Variants in CRLF3 observed in about 807,000 individuals in gnomAD.
The protein encoded by CRLF3 is cytokine receptor-like factor 3.
In CRLF3, 33 loss-of-function variants were observed where a neutral mutation model predicts 55.0. The ratio of observed to expected loss-of-function variants is 0.60; its 90% CI spans 0.46 to 0.80. CRLF3 has a LOEUF of 0.80. CRLF3 is among the 30% of genes least tolerant of loss of function. The pLI is 0.00. For synonymous variants in CRLF3, 238 were observed against 196.8 expected (o/e 1.21, Z -1.75); for missense variants, 494 against 538.4 (o/e 0.92, Z 0.82).
At chr17:30,815,274 T>C (rs1415553174) in intron 1 of CRLF3, among the ~76,000 whole-genome samples, 3 of 151,380 alleles carry the variant, frequency 2.0e-5, no homozygotes, top group African/African-American at 7.3e-5. Context: ...TTAGTAGAGA[T>C]GGGGTTTCAG....
At chr17:30,799,038 C>T (rs1971964545) in intron 2 of CRLF3, among the ~76,000 whole-genome samples, 4 of 152,048 alleles carry the variant, frequency 2.6e-5, no homozygotes. Flanking sequence ...CTTTGGGAGG[C>T]CGAGGTGGGC....
At chr17:30,791,579 G>T (rs1479196696) in intron 6 of CRLF3, among the ~76,000 whole-genome samples, 2 of 144,590 alleles carry the variant, frequency 1.4e-5, no homozygotes, top group African/African-American at 5.2e-5. Context: ...GTGCAGTGGC[G>T]TGATCTCGGC....
At chr17:30,819,772 TA>T (rs1816840915) in intron 1 of CRLF3, among the ~76,000 whole-genome samples, 1 of 152,204 alleles carries the variant, frequency 6.6e-6, no homozygotes, top group African/African-American at 2.4e-5. Context: ...AAGTGAAATA[TA>T]AAAATGAATA....
At chr17:30,787,535 CAAAA>C (rs56277494) in intron 6 of CRLF3, 1 of 140,302 alleles carries the variant, frequency 7.1e-6, no homozygotes, top group African/African-American at 2.6e-5. Flanking sequence ...TTTGCAAGGA[CAAAA>C]AAAAAAATTA....
chr17:30,801,682 T>G (rs1034823991), intron 2 of CRLF3, among the ~76,000 whole-genome samples: 1 of 152,018 alleles, frequency 6.6e-6, no homozygotes, highest in Non-Finnish European at 1.5e-5. Context: ...CCTCCCATCT[T>G]GACATCCCAA....
At chr17:30,802,847 A>G (rs911125668) in intron 2 of CRLF3, among the ~76,000 whole-genome samples, 1 of 152,142 alleles carries the variant, frequency 6.6e-6, no homozygotes, top group African/African-American at 2.4e-5. Flanking sequence ...AACACCAATC[A>G]CATTTTTTTA....
intron 2 of CRLF3, among the ~76,000 whole-genome samples, chr17:30,800,691 G>A (rs1414985421): frequency 6.6e-6 from 1 of 150,810 alleles, no homozygotes; most frequent in Admixed American, 6.6e-5. Context: ...CTGGAGTGCA[G>A]TGCTGCAATC....
In CRLF3 at chr17:30,788,277, G is replaced by A. The variant is rs567256823; in HGVS notation, c.960-2246C>T. ...TGAGAGGTGGAGGTTGCAGTGAGCC[G>A]ATTGTGCCATTGCATTCCAGCCTGG... On this transcript the variant is annotated intron_variant, in intron 6 of 7. Transcript: ENST00000324238. 5.3e-5 allele frequency among the ~76,000 whole-genome samples: 8 copies of A among 149,796 alleles called. No individual in the cohort carries two copies. The South Asian group carries it at 1.0e-3, about 20-fold the overall frequency.
chr17:30,782,826 G>A lies in CRLF3; in HGVS notation c.*1361C>T, dbSNP rs1971524221. The stretch of plus-strand genomic sequence containing the variant: ...TAGAAAAGGTCATGATTGTCTAACA[G>A]GGAACATGAATCCCCAAATAAATTA... On this transcript the variant is annotated 3_prime_UTR_variant, in exon 8 of 8. Transcript: ENST00000324238. The A allele has an allele frequency of 6.6e-6, 1 of 151,970 alleles. No individual in the cohort carries two copies. The highest frequency in any genetic ancestry group is 6.6e-5 in the Admixed American group (1 of 15,238). The allele number at this position is 151,970 out of a possible 1,614,324, so 9.4% of individuals were successfully genotyped here. A position where few individuals can be genotyped will look rare whatever the true frequency, so the allele number is the denominator to read the frequency against.
chr17:30,798,326 C>A (rs943096834), intron 2 of CRLF3, among the ~76,000 whole-genome samples: 1 of 151,620 alleles, frequency 6.6e-6, no homozygotes, highest in African/African-American at 2.4e-5. Context: ...TGCAGTGAGC[C>A]GAGATCACGC....
intron 2 of CRLF3, among the ~76,000 whole-genome samples, chr17:30,799,844 C>CA (rs1402230359): frequency 6.6e-6 from 1 of 152,148 alleles, no homozygotes; most frequent in African/African-American, 2.4e-5. Context: ...GATCAGTCCT[C>CA]AGGGTGATGA....
Position 30,783,610 on chromosome 17 carries a change from T to TC in CRLF3, c.*576dup, listed in dbSNP as rs907774668. On this transcript the variant is annotated 3_prime_UTR_variant, in exon 8 of 8. Coordinates refer to ENST00000324238, the MANE Select transcript of CRLF3 (RefSeq NM_015986.4). ...CCAGCCTGAGTGACAAGAGTGAGACTCCGTCTCAACAAAAAAAGAAAAAGT... is the reference window on the plus strand; with the variant it reads ...CCAGCCTGAGTGACAAGAGTGAGACTCCCGTCTCAACAAAAAAAGAAAAAGT... 2 of 152,260 alleles carry TC rather than the reference T, an allele frequency of 1.3e-5. No individual in the cohort carries two copies. The highest frequency in any genetic ancestry group is 4.8e-5 in the African/African-American group (2 of 41,438). The allele number at this position is 152,260 out of a possible 1,614,324, so 9.4% of individuals were successfully genotyped here.
chr17:30,806,015 C>T (rs1322479599), intron 1 of CRLF3, among the ~76,000 whole-genome samples: 1 of 151,782 alleles, frequency 6.6e-6, no homozygotes, highest in African/African-American at 2.4e-5. Context: ...AGAGTGAGAC[C>T]CTGTCTCTAA....
Position 30,784,341 on chromosome 17 carries a change from G to A in CRLF3, c.1175C>T (p.Thr392Ile), listed in dbSNP as rs751235967. 6.8e-6 allele frequency: 11 copies of A among 1,613,958 alleles called. No individual in the cohort carries two copies. Among genetic ancestry groups the A allele is most frequent in the Middle Eastern group, 1.6e-4 (1 of 6,084 alleles). The change falls in exon 8 of 8, where the codon ACC (threonine) becomes ATC (isoleucine). Residue 392 changes from threonine (T) to isoleucine (I), a missense_variant. Transcript: ENST00000324238. ...FDIEAVTLGT[T>I]SNNEGGHFKL... Reference sequence around the variant, plus strand: ...GAAGTGTCCACCTTCATTATTACTGGTGGTTCCTAGAGTCACGGCTTCAAT... The same window carrying A: ...GAAGTGTCCACCTTCATTATTACTGATGGTTCCTAGAGTCACGGCTTCAAT...
chr17:30,813,369 G>A (rs1338194775), intron 1 of CRLF3, among the ~76,000 whole-genome samples: 1 of 152,150 alleles, frequency 6.6e-6, no homozygotes. Context: ...TGGTAAGGGG[G>A]ATGGCAAGCA....
intron 6 of CRLF3, among the ~76,000 whole-genome samples, chr17:30,792,149 A>G (rs534571882): frequency 1.3e-5 from 2 of 152,296 alleles, no homozygotes; most frequent in Non-Finnish European, 1.5e-5. Flanking sequence ...TGCCCAGCCT[A>G]AGATTGACTT....
chr17:30,784,703 T>C (rs529719354), intron 7 of CRLF3: 1 of 360,888 alleles, frequency 2.8e-6, no homozygotes, highest in African/African-American at 2.1e-5. Flanking sequence ...GACTATTTCT[T>C]ATGGAATAAA....
intron 1 of CRLF3, among the ~76,000 whole-genome samples, chr17:30,815,084 CTTTTT>C (rs541526248): frequency 0.011 from 1,207 of 107,470 alleles, 14 homozygotes; most frequent in African/African-American, 0.04. Flanking sequence ...TTCTTTCTTT[CTTTTT>C]TTTTTTTTTT....
intron 6 of CRLF3, among the ~76,000 whole-genome samples, chr17:30,791,454 G>A (rs373705820): frequency 1.1e-4 from 16 of 151,482 alleles, no homozygotes; most frequent in East Asian, 5.8e-4. Flanking sequence ...TGATCCAACC[G>A]CCTCGGCCTC....
Sources: allele counts gnomAD v4.1 joint callset (sites outside exome capture counted in the v4.1 genomes callset), GRCh38; gene constraint gnomAD v4.1.1; transcripts MANE v1.5; gene names NCBI Gene and HGNC (gene_info 2026-07-23, HGNC 2026-07-21).